SLC9A9: variants seen among roughly 807,000 people sequenced by gnomAD.
SLC9A9 encodes the protein solute carrier family 9 member A9, also known as sodium/hydrogen exchanger 9.
Under a neutral mutation model 77.8 loss-of-function variants are expected in SLC9A9, and 62 were observed. That is an observed-to-expected ratio of 0.80 (90% CI 0.65 to 0.98). The LOEUF (loss-of-function observed/expected upper bound fraction) is 0.98, where lower values mean the gene tolerates loss of function less well. SLC9A9 is among the 50% of genes least tolerant of loss of function. The pLI is 0.00. For missense variants in SLC9A9, 775 were observed against 774.9 expected (o/e 1.00, Z 0.00); for synonymous variants, 320 against 283.5 (o/e 1.13, Z -1.29).
chr3:143,762,389 C>A (rs554611348), intron 4 of SLC9A9, among the ~76,000 whole-genome samples: 1 of 152,268 alleles, frequency 6.6e-6, no homozygotes, highest in Admixed American at 6.5e-5. Flanking sequence ...CTAAATACAT[C>A]TTTTCTTTGT....
chr3:143,805,119 A>G (rs758046343), intron 2 of SLC9A9, among the ~76,000 whole-genome samples: 5 of 152,274 alleles, frequency 3.3e-5, no homozygotes, highest in Non-Finnish European at 5.9e-5. Flanking sequence ...CTCTAATTGG[A>G]TGTCCTGGGT....
At chr3:143,543,393 CTTCTATTTTTATTTTA>C (rs1218028911) in intron 9 of SLC9A9, among the ~76,000 whole-genome samples, 1 of 132,116 alleles carries the variant, frequency 7.6e-6, no homozygotes, top group African/African-American at 2.9e-5. Context: ...TTTTTTTTTT[CTTCTATTTTTATTTTA>C]GATTGAAGGA....
rs1348795086 is a variant in SLC9A9 at position 143,815,553 on chromosome 3, A to ATTTTTTT, written c.378+16465_378+16466insAAAAAAA. Reference sequence around the variant, plus strand: ...AAGGGCTTTTTGCTATTTTAAAAAAAAAAAAAGGTTTAAAACCCTGACCTA... The same window carrying ATTTTTTT: ...AAGGGCTTTTTGCTATTTTAAAAAAATTTTTTTAAAAAAGGTTTAAAACCCTGACCTA... On this transcript the variant is annotated intron_variant, in intron 2 of 15. Coordinates refer to ENST00000316549, the MANE Select transcript of SLC9A9 (RefSeq NM_173653.4). Among the ~76,000 whole-genome samples, 43 of 150,670 alleles carry ATTTTTTT rather than the reference A, an allele frequency of 2.9e-4. 1 individual carries two copies. The South Asian group carries it at 7.2e-3, about 25-fold the overall frequency.
At chr3:143,770,040 C>T (rs1234510507) in intron 4 of SLC9A9, among the ~76,000 whole-genome samples, 5 of 152,072 alleles carry the variant, frequency 3.3e-5, no homozygotes, top group Admixed American at 1.3e-4. Flanking sequence ...CTTTATCATT[C>T]ATAATAAATT....
At chr3:143,722,635 C>T (rs1934534639) in intron 4 of SLC9A9, among the ~76,000 whole-genome samples, 1 of 151,950 alleles carries the variant, frequency 6.6e-6, no homozygotes, top group Non-Finnish European at 1.5e-5. Context: ...ATCCTCTGGC[C>T]TTAATTTTCT....
intron 5 of SLC9A9, among the ~76,000 whole-genome samples, chr3:143,689,821 TTGTG>T (rs1576661356): frequency 6.6e-6 from 1 of 152,246 alleles, no homozygotes; most frequent in East Asian, 1.9e-4. Context: ...GTGTGCATGT[TTGTG>T]TATTTGCTTA....
chr3:143,526,727 A>G (rs1002762248), intron 9 of SLC9A9, among the ~76,000 whole-genome samples: 4 of 152,204 alleles, frequency 2.6e-5, no homozygotes, highest in African/African-American at 9.6e-5. Flanking sequence ...CGATTCAAAA[A>G]CAATTTTTGT....
intron 9 of SLC9A9, among the ~76,000 whole-genome samples, chr3:143,505,388 AT>A (rs1248575846): frequency 6.6e-6 from 1 of 152,226 alleles, no homozygotes; most frequent in Non-Finnish European, 1.5e-5. Flanking sequence ...ATAGCTTTAT[AT>A]ATGCATATAA....
At chr3:143,789,973 A>G (rs2008168832) in intron 4 of SLC9A9, among the ~76,000 whole-genome samples, 1 of 152,108 alleles carries the variant, frequency 6.6e-6, no homozygotes, top group Admixed American at 6.5e-5. Context: ...CTGTGTCCCT[A>G]CCCCAAATCT....
intron 8 of SLC9A9, among the ~76,000 whole-genome samples, chr3:143,570,393 G>A (rs1197562240): frequency 6.6e-6 from 1 of 152,172 alleles, no homozygotes; most frequent in East Asian, 1.9e-4. Context: ...CAGATTGCTG[G>A]TGGGAGTGCA....
At chr3:143,446,184 T>C (rs1267186787) in intron 12 of SLC9A9, among the ~76,000 whole-genome samples, 1 of 152,050 alleles carries the variant, frequency 6.6e-6, no homozygotes, top group African/African-American at 2.4e-5. Flanking sequence ...TGGAGTAATG[T>C]CTTCCAATAA....
At chr3:143,486,915 G>C (rs1316098200) in intron 11 of SLC9A9, among the ~76,000 whole-genome samples, 1 of 151,902 alleles carries the variant, frequency 6.6e-6, no homozygotes, top group African/African-American at 2.4e-5. Flanking sequence ...CAAAATGACA[G>C]AACCTCTTTC....
chr3:143,438,943 T>C (rs2034674662), intron 12 of SLC9A9, among the ~76,000 whole-genome samples: 1 of 152,236 alleles, frequency 6.6e-6, no homozygotes, highest in Non-Finnish European at 1.5e-5. Context: ...CCTGTGTTCT[T>C]ACTAAGGTCT....
At chr3:143,505,808 A>C (rs961163453) in intron 9 of SLC9A9, among the ~76,000 whole-genome samples, 1 of 152,226 alleles carries the variant, frequency 6.6e-6, no homozygotes, top group African/African-American at 2.4e-5. Context: ...CAAGGAATTG[A>C]GCTTCATTAA....
intron 12 of SLC9A9, among the ~76,000 whole-genome samples, chr3:143,463,467 G>C (rs528786294): frequency 6.6e-6 from 1 of 152,264 alleles, no homozygotes; most frequent in South Asian, 2.1e-4. Flanking sequence ...CGATAATCTT[G>C]TTTACTGGCT....
At position 143,766,477 on chromosome 3, in the gene SLC9A9, G is replaced by A. The variant is rs966148258; in HGVS notation, c.533+28524C>T. On this transcript the variant is annotated intron_variant, in intron 4 of 15. Coordinates refer to ENST00000316549, the MANE Select transcript of SLC9A9 (RefSeq NM_173653.4). ...CTGTCATCACACATTTAAATATAGTGGGGGTGATTGCTTTAAACATTAAGG... is the reference window on the plus strand; with the variant it reads ...CTGTCATCACACATTTAAATATAGTAGGGGTGATTGCTTTAAACATTAAGG... 2.0e-5 allele frequency among the ~76,000 whole-genome samples: 3 copies of A among 152,158 alleles called. No individual in the cohort carries two copies. In the South Asian group the frequency reaches 6.2e-4, roughly 32 times the overall value.
rs182906114 is a variant in SLC9A9 at position 143,308,704 on chromosome 3, A to G, written c.1605-39724T>C. ...GACTGTGAAGCTCGCCATGGTGATA[A>G]TAATACCCATAATTGAGTTCTGGGG... On this transcript the variant is annotated intron_variant, in intron 14 of 15. Transcript: ENST00000316549. Among the ~76,000 whole-genome samples, 70 of 152,256 alleles carry G rather than the reference A, an allele frequency of 4.6e-4. 1 individual carries two copies. The highest frequency in any genetic ancestry group is 7.1e-4 in the Non-Finnish European group (48 of 68,018).
At chr3:143,338,735 C>T (rs371641731) in intron 14 of SLC9A9, among the ~76,000 whole-genome samples, 132 of 152,218 alleles carry the variant, frequency 8.7e-4, no homozygotes, top group African/African-American at 3.0e-3. Flanking sequence ...GATTACATAT[C>T]CAGGCTTCAA....
chr3:143,452,093 T>C (rs989948102), intron 12 of SLC9A9, among the ~76,000 whole-genome samples: 50 of 152,108 alleles, frequency 3.3e-4, no homozygotes, highest in Non-Finnish European at 5.9e-4. Flanking sequence ...TGATTATTGA[T>C]GGATGCTAAA....
Sources: gnomAD v4.1 joint callset for allele counts (sites outside exome capture counted in the v4.1 genomes callset) on GRCh38, gnomAD v4.1.1 for gene constraint, MANE v1.5 for transcripts, NCBI Gene and HGNC (gene_info 2026-07-23, HGNC 2026-07-21) for gene names.